The following KCNQ1 variants were observed in gnomAD, a reference collection of about 807,000 sequenced individuals.
The protein encoded by KCNQ1 is potassium voltage-gated channel subfamily Q member 1.
In KCNQ1, 49 loss-of-function variants were observed where a neutral mutation model predicts 72.4. The observed-to-expected ratio is 0.68, with a 90% CI of 0.54 to 0.86. KCNQ1 has a LOEUF of 0.86. KCNQ1 is among the 40% of genes least tolerant of loss of function. KCNQ1 has a pLI of 0.00. For missense variants in KCNQ1, 790 were observed against 945.1 expected, an observed-to-expected ratio of 0.84 and a Z score of 2.15; for synonymous variants, 450 against 412.6, an observed-to-expected ratio of 1.09 and a Z score of -1.10.
chr11:2,643,885 G>GT lies in KCNQ1; in HGVS notation c.1394-18071dup, dbSNP rs1046441105. 4.5e-4 allele frequency: 178 copies of GT among 398,516 alleles called. No homozygotes were observed. Among genetic ancestry groups the GT allele is most frequent in the African/African-American group, 3.3e-3 (159 of 48,728 alleles). 24.7% of individuals were successfully genotyped at this position (398,516 alleles called of 1,614,324 possible). A position where few individuals can be genotyped will look rare whatever the true frequency, so the allele number is the denominator to read the frequency against. On this transcript the variant is annotated intron_variant, in intron 10 of 15. Transcript: ENST00000155840. ...TAAGTACAGTATTCCTGGCTGGCAG[G>GT]TTTTTGGTTTTGTTTTTTCTTTCAG...
Position 2,620,211 on chromosome 11 carries a change from A to ATATATATT in KCNQ1, c.1393+31358_1393+31359insATATATTT, listed in dbSNP as rs1383035176. 94 of 261,986 alleles carry ATATATATT rather than the reference A, an allele frequency of 3.6e-4. No individual in the cohort carries two copies. The highest frequency in any genetic ancestry group is 5.1e-4 in the Non-Finnish European group (77 of 149,542). 16.2% of individuals were successfully genotyped at this position (261,986 alleles called of 1,614,324 possible). A position where few individuals can be genotyped will look rare whatever the true frequency, so the allele number is the denominator to read the frequency against. On this transcript the variant is annotated intron_variant, in intron 10 of 15. Transcript: ENST00000155840. The surrounding 1 kb of genome is among the most constrained non-coding windows in gnomAD (Gnocchi z 4.5). ...TAAGTTCATTCATGTATATATATAT[A>ATATATATT]TTTTTTTTTTTTATTTTTTTTTTAG...
intron 15 of KCNQ1, among the ~76,000 whole-genome samples, chr11:2,795,130 G>A (rs1847105889): frequency 6.6e-6 from 1 of 152,212 alleles, no homozygotes; most frequent in African/African-American, 2.4e-5. Context: ...CAGCCAAGAA[G>A]CCAGGGCATC....
At chr11:2,757,593 G>A (rs548129832) in intron 11 of KCNQ1, among the ~76,000 whole-genome samples, 1 of 152,258 alleles carries the variant, frequency 6.6e-6, no homozygotes, top group South Asian at 2.1e-4. Context: ...TATATGGAAA[G>A]GCACATGCTG....
intron 10 of KCNQ1, chr11:2,616,471 A>C (rs1396289004): frequency 7.5e-6 from 3 of 397,700 alleles, no homozygotes; most frequent in Non-Finnish European, 1.3e-5. Context: ...CTGGTTACGT[A>C]AGGTATAATA....
intron 11 of KCNQ1, among the ~76,000 whole-genome samples, chr11:2,719,410 G>A (rs754266419): frequency 2.6e-5 from 4 of 151,194 alleles, no homozygotes; most frequent in South Asian, 2.1e-4. Context: ...TGGGAGGATC[G>A]CCTGAGCCTG....
chr11:2,445,976 G>A (rs1379255400), intron 1 of KCNQ1, among the ~76,000 whole-genome samples: 1 of 152,098 alleles, frequency 6.6e-6, no homozygotes, highest in Non-Finnish European at 1.5e-5. Context: ...GGAAGGTGAC[G>A]GTGGCGGTGC....
chr11:2,532,032 CCTT>C (rs1450767680), intron 2 of KCNQ1, among the ~76,000 whole-genome samples: 21 of 152,312 alleles, frequency 1.4e-4, no homozygotes, highest in African/African-American at 4.6e-4. Flanking sequence ...TGCCCCAGGG[CCTT>C]TGCAAGCCCT....
At chr11:2,533,920 T>C (rs1269385097) in intron 2 of KCNQ1, among the ~76,000 whole-genome samples, 2 of 152,174 alleles carry the variant, frequency 1.3e-5, no homozygotes, top group Non-Finnish European at 2.9e-5. Flanking sequence ...GCAATGCCTG[T>C]GGTTAAAAAA....
chr11:2,463,348 C>A lies in KCNQ1; in HGVS notation c.386+17864C>A, dbSNP rs1375482106. Among the ~76,000 whole-genome samples, 1 of 152,108 alleles carries A rather than the reference C, an allele frequency of 6.6e-6. No individual in the cohort carries two copies. Among genetic ancestry groups the A allele is most frequent in the Non-Finnish European group, 1.5e-5 (1 of 68,012 alleles). On this transcript the variant is annotated intron_variant, in intron 1 of 15. Transcript: ENST00000155840. The surrounding 1 kb of genome is among the most constrained non-coding windows in gnomAD (Gnocchi z 7.0). ...CTGTTTTCTGCTGAGGATACATTTG[C>A]CCCCTCTATCCCCCAGATCGGCGGC...
rs940583625 is a variant in KCNQ1, at chr11:2,772,492, G to A, written c.1591-3468G>A. On this transcript the variant is annotated intron_variant, in intron 12 of 15. Coordinates refer to ENST00000155840, the MANE Select transcript of KCNQ1 (RefSeq NM_000218.3). This position sits in a 1 kb window ranked among gnomAD's most constrained non-coding sequence, Gnocchi z 6.6. ...AACCCCAGAGGACCACTGGACAAAGGCCCCCGTGAGCCCTAACCGTATCCT... is the reference window on the plus strand; with the variant it reads ...AACCCCAGAGGACCACTGGACAAAGACCCCCGTGAGCCCTAACCGTATCCT... 7.9e-5 allele frequency among the ~76,000 whole-genome samples: 12 copies of A among 151,966 alleles called. No individual in the cohort carries two copies. The highest frequency in any genetic ancestry group is 2.6e-4 in the Admixed American group (4 of 15,246).
Position 2,579,277 on chromosome 11 carries a change from C to T in KCNQ1, c.922-4158C>T, listed in dbSNP as rs1046915732. Among the ~76,000 whole-genome samples the T allele has an allele frequency of 2.0e-5, 3 of 152,220 alleles. No homozygotes were observed. The highest frequency in any genetic ancestry group is 7.2e-5 in the African/African-American group (3 of 41,462). ...AACATGGGGGGACTAGAAGGCTCCC[C>T]ATGCCTCCCGCCCCTTCACATGGGA... On this transcript the variant is annotated intron_variant, in intron 6 of 15. Coordinates refer to ENST00000155840, the MANE Select transcript of KCNQ1 (RefSeq NM_000218.3). This position sits in a 1 kb window ranked among gnomAD's most constrained non-coding sequence, Gnocchi z 6.0.
chr11:2,665,460 CAGTG>C (rs1850050039), intron 11 of KCNQ1: 2 of 397,104 alleles, frequency 5.0e-6, no homozygotes, highest in Non-Finnish European at 8.9e-6. Context: ...ACTGGCACGA[CAGTG>C]GGTGGGGACG....
chr11:2,528,117 C>A, intron 2 of KCNQ1, 99 bp downstream of exon 2: 1 of 1,024,370 alleles, frequency 9.8e-7, no homozygotes, highest in Non-Finnish European at 1.5e-6. Flanking sequence ...AGAGCCACTC[C>A]CAGCCCCTTG....
chr11:2,789,223 C>T (rs968861268), intron 15 of KCNQ1, among the ~76,000 whole-genome samples: 1 of 152,082 alleles, frequency 6.6e-6, no homozygotes, highest in Admixed American at 6.5e-5. Flanking sequence ...TGATGATACC[C>T]TGTGCTGGCA....
In KCNQ1 at chr11:2,579,799, C is replaced by G. The variant is rs893141107; in HGVS notation, c.922-3636C>G. On this transcript the variant is annotated intron_variant, in intron 6 of 15. Transcript: ENST00000155840. The surrounding 1 kb of genome is among the most constrained non-coding windows in gnomAD (Gnocchi z 6.0). The stretch of plus-strand genomic sequence containing the variant: ...CAGCCAGCCAGCAGGAGCCCACGTG[C>G]ACCCAGCTCAGCCCCAGGAGGTGAC... Among the ~76,000 whole-genome samples, 1 of 152,094 alleles carries G rather than the reference C, an allele frequency of 6.6e-6. No homozygotes were observed. Among genetic ancestry groups the G allele is most frequent in the African/African-American group, 2.4e-5 (1 of 41,432 alleles).
chr11:2,706,071 C>T (rs1850906860), intron 11 of KCNQ1, among the ~76,000 whole-genome samples: 1 of 152,198 alleles, frequency 6.6e-6, no homozygotes, highest in South Asian at 2.1e-4. Context: ...AAAGGGAAAC[C>T]TACCTGGGGT....
In KCNQ1 at chr11:2,642,850, A is replaced by G. The variant is rs1590000278; in HGVS notation, c.1394-19111A>G. The G allele has an allele frequency of 5.0e-6, 2 of 397,862 alleles. No individual in the cohort carries two copies. The highest frequency in any genetic ancestry group is 8.9e-6 in the Non-Finnish European group (2 of 225,672). 24.6% of individuals were successfully genotyped at this position (397,862 alleles called of 1,614,324 possible). A position where few individuals can be genotyped will look rare whatever the true frequency, so the allele number is the denominator to read the frequency against. On this transcript the variant is annotated intron_variant, in intron 10 of 15. Transcript: ENST00000155840. The surrounding 1 kb of genome is among the most constrained non-coding windows in gnomAD (Gnocchi z 4.3). ...GCTTTTGCAGTATCCCTTAAGTTTC[A>G]GAATGTTGTGCTTCTATTTTCACTT...
At chr11:2,786,934 T>C (rs570443945) in intron 15 of KCNQ1, among the ~76,000 whole-genome samples, 30 of 149,104 alleles carry the variant, frequency 2.0e-4, no homozygotes, top group Admixed American at 1.5e-3. Flanking sequence ...ATTCATGGTG[T>C]TTCATTTCGT....
chr11:2,663,640 C>A lies in KCNQ1; in HGVS notation c.1514+1559C>A. ...ACCAGCATCCAGACATGCAAAAAGT[C>A]CTACTGGGAGGAGAGGGCCATCACC... is the stretch of plus-strand genomic sequence containing the variant. On this transcript the variant is annotated intron_variant, in intron 11 of 15. Transcript: ENST00000155840. This position sits in a 1 kb window ranked among gnomAD's most constrained non-coding sequence, Gnocchi z 5.2. The A allele has an allele frequency of 2.5e-6, 1 of 398,654 alleles. No homozygotes were observed. The highest frequency in any genetic ancestry group is 1.3e-4 in the South Asian group (1 of 7,818). 24.7% of individuals were successfully genotyped at this position (398,654 alleles called of 1,614,324 possible).
Sources: allele counts gnomAD v4.1 joint callset (sites outside exome capture counted in the v4.1 genomes callset), GRCh38; gene constraint gnomAD v4.1.1; non-coding constraint Gnocchi (gnomAD v3.1); transcripts MANE v1.5; gene names NCBI Gene and HGNC (gene_info 2026-07-23, HGNC 2026-07-21).